The following MGAT4C variants were observed in gnomAD, a reference collection of about 807,000 sequenced individuals.
MGAT4C encodes alpha-1,3-mannosyl-glycoprotein 4-beta-N-acetylglucosaminyltransferase C.
In MGAT4C, 19 loss-of-function variants were observed where a neutral mutation model predicts 40.1. The observed-to-expected ratio is 0.47, with a 90% CI of 0.33 to 0.70. The LOEUF (loss-of-function observed/expected upper bound fraction) is 0.70. MGAT4C is among the 30% of genes least tolerant of loss of function. The pLI is 0.02. For synonymous variants in MGAT4C, 181 were observed against 187.1 expected (o/e 0.97, Z 0.27); for missense variants, 491 against 563.2 (o/e 0.87, Z 1.30).
chr12:86,714,342 T>C (rs11829914), intron 2 of MGAT4C, among the ~76,000 whole-genome samples: 255 of 152,214 alleles, frequency 1.7e-3, no homozygotes, highest in African/African-American at 5.6e-3. Context: ...ATGTGGTTAA[T>C]TTACAGTAAA....
chr12:86,445,799 G>A (rs972486471), intron 2 of MGAT4C, among the ~76,000 whole-genome samples: 1 of 152,096 alleles, frequency 6.6e-6, no homozygotes, highest in East Asian at 1.9e-4. Flanking sequence ...ATTATGTCTT[G>A]TATAATTTTA....
At chr12:86,144,282 T>C (rs1883227368) in intron 1 of MGAT4C, among the ~76,000 whole-genome samples, 1 of 152,240 alleles carries the variant, frequency 6.6e-6, no homozygotes, top group Non-Finnish European at 1.5e-5. Flanking sequence ...TAAATATTCT[T>C]TATTTTAGTA....
intron 3 of MGAT4C, among the ~76,000 whole-genome samples, chr12:86,402,631 C>A (rs190901604): frequency 2.6e-5 from 4 of 152,146 alleles, no homozygotes; most frequent in Admixed American, 2.6e-4. Context: ...TTCTTCTTGA[C>A]AATAAACAAT....
At chr12:86,474,708 C>T (rs914418450) in intron 2 of MGAT4C, among the ~76,000 whole-genome samples, 1 of 151,844 alleles carries the variant, frequency 6.6e-6, no homozygotes, top group Non-Finnish European at 1.5e-5. Context: ...GAAAGCCCAT[C>T]ATTTAACAGT....
chr12:86,216,158 A>G (rs769382789), intron 1 of MGAT4C, among the ~76,000 whole-genome samples: 14 of 152,166 alleles, frequency 9.2e-5, no homozygotes, highest in Admixed American at 5.9e-4. Context: ...TTTTGGAGAA[A>G]TGGGTTAACC....
At chr12:86,493,486 T>C (rs1958177665) in intron 2 of MGAT4C, among the ~76,000 whole-genome samples, 1 of 152,196 alleles carries the variant, frequency 6.6e-6, no homozygotes, top group Non-Finnish European at 1.5e-5. Flanking sequence ...GATGAGTTCA[T>C]GCCCTTTGTT....
chr12:86,650,756 T>C (rs1358150283), intron 2 of MGAT4C, among the ~76,000 whole-genome samples: 1 of 151,878 alleles, frequency 6.6e-6, no homozygotes, highest in African/African-American at 2.4e-5. Context: ...TGTAAAGGGA[T>C]TGGTTTATTA....
At chr12:86,834,080 T>C (rs1360817073) in intron 1 of MGAT4C, among the ~76,000 whole-genome samples, 1 of 151,884 alleles carries the variant, frequency 6.6e-6, no homozygotes, top group Non-Finnish European at 1.5e-5. Flanking sequence ...CATTCAACGA[T>C]GGATACCTAG....
chr12:86,358,350 C>T (rs1218637920), intron 3 of MGAT4C, among the ~76,000 whole-genome samples: 3 of 152,174 alleles, frequency 2.0e-5, no homozygotes, highest in Admixed American at 6.5e-5. Context: ...AAAGGAACAA[C>T]CACTACCAGC....
At chr12:86,492,858 G>A (rs926833980) in intron 2 of MGAT4C, among the ~76,000 whole-genome samples, 12 of 152,022 alleles carry the variant, frequency 7.9e-5, no homozygotes, top group East Asian at 1.9e-4. Flanking sequence ...GAGTGAACAG[G>A]CAACCTACAG....
chr12:86,311,931 C>T (rs1046217181), intron 4 of MGAT4C, among the ~76,000 whole-genome samples: 1 of 152,112 alleles, frequency 6.6e-6, no homozygotes, highest in Non-Finnish European at 1.5e-5. Flanking sequence ...ATATACATTA[C>T]AGGGACCAAG....
chr12:86,577,401 C>T (rs1960606586), intron 2 of MGAT4C, among the ~76,000 whole-genome samples: 1 of 151,782 alleles, frequency 6.6e-6, no homozygotes. Context: ...AGAGGAAAAG[C>T]TTTCAGTTTT....
At chr12:86,655,212 T>C (rs1360318066) in intron 2 of MGAT4C, among the ~76,000 whole-genome samples, 1 of 151,660 alleles carries the variant, frequency 6.6e-6, no homozygotes, top group African/African-American at 2.4e-5. Context: ...TCGGCCCGGG[T>C]GTGTGATGTT....
chr12:86,073,860 G>A (rs1869102899), intron 1 of MGAT4C, among the ~76,000 whole-genome samples: 1 of 152,158 alleles, frequency 6.6e-6, no homozygotes, highest in Non-Finnish European at 1.5e-5. Flanking sequence ...ATGCTGAAAT[G>A]AGATAAGACT....
At chr12:86,292,839 T>G (rs555765847) in intron 4 of MGAT4C, among the ~76,000 whole-genome samples, 5 of 108,978 alleles carry the variant, frequency 4.6e-5, no homozygotes, top group African/African-American at 9.8e-5. Flanking sequence ...GAAATGACTG[T>G]TTTTTTTTTT....
At chr12:86,442,253 C>T (rs1336158002) in intron 2 of MGAT4C, among the ~76,000 whole-genome samples, 2 of 152,150 alleles carry the variant, frequency 1.3e-5, no homozygotes, top group Non-Finnish European at 2.9e-5. Context: ...AGCCCTTTGT[C>T]AGATGGGTAG....
At chr12:86,119,910 G>A (rs910931136) in intron 1 of MGAT4C, among the ~76,000 whole-genome samples, 1 of 151,644 alleles carries the variant, frequency 6.6e-6, no homozygotes, top group Non-Finnish European at 1.5e-5. Context: ...GGTTCCAGGA[G>A]TGTGTCAAAA....
At chr12:86,306,783 T>A (rs899189710) in intron 4 of MGAT4C, among the ~76,000 whole-genome samples, 4 of 150,486 alleles carry the variant, frequency 2.7e-5, no homozygotes, top group Non-Finnish European at 5.9e-5. Flanking sequence ...GCAGCGATTC[T>A]ACAAATATTT....
chr12:86,034,348 T>A (rs1042333216), intron 2 of MGAT4C, among the ~76,000 whole-genome samples: 1 of 149,654 alleles, frequency 6.7e-6, no homozygotes, highest in African/African-American at 2.4e-5. Flanking sequence ...TCTTTATACA[T>A]TGGTAGAATT....
Sources: allele counts gnomAD v4.1 joint callset (sites outside exome capture counted in the v4.1 genomes callset), GRCh38; gene constraint gnomAD v4.1.1; transcripts MANE v1.5; gene names NCBI Gene and HGNC (gene_info 2026-07-23, HGNC 2026-07-21).